Variants in FYB2 observed in about 807,000 individuals in gnomAD.
FYB2 encodes FYN binding protein 2.
A neutral mutation model predicts 94.1 loss-of-function variants in FYB2; 103 were observed. The ratio of observed to expected loss-of-function variants is 1.09; its 90% CI spans 0.93 to 1.29. The LOEUF (loss-of-function observed/expected upper bound fraction) is 1.29. FYB2 is among the 50% of genes most tolerant of loss of function. The pLI is 0.00. For missense variants in FYB2, 896 were observed against 841.5 expected (o/e 1.06, Z -0.80); for synonymous variants, 293 against 287.9 (o/e 1.02, Z -0.18).
At chr1:56,721,352 T>C (rs1348891267) in intron 17 of FYB2, among the ~76,000 whole-genome samples, 1 of 152,060 alleles carries the variant, frequency 6.6e-6, no homozygotes, top group African/African-American at 2.4e-5. Flanking sequence ...AACTATTTAT[T>C]ATTATGATTA....
chr1:56,762,533 C>T (rs1645522232), intron 5 of FYB2, among the ~76,000 whole-genome samples: 1 of 152,012 alleles, frequency 6.6e-6, no homozygotes. Flanking sequence ...TATGTTCATT[C>T]CTGATATACA....
At chr1:56,788,151 T>C (rs61765525) in intron 3 of FYB2, among the ~76,000 whole-genome samples, 34,995 of 152,166 alleles carry the variant, frequency 0.23, 5,133 homozygotes, top group Non-Finnish European at 0.33. Flanking sequence ...CTCTAGGTGA[T>C]TCTGATGTAC....
intron 6 of FYB2, among the ~76,000 whole-genome samples, chr1:56,757,689 T>TCCTTCCTTCCTTCCTTC (rs1557616891): frequency 7.0e-5 from 4 of 56,860 alleles, no homozygotes; most frequent in Admixed American, 3.9e-4. Context: ...CTTCCTTCCT[T>TCCTTCCTTCCTTCCTTC]CTTTCTTTCT....
At position 56,719,160 on chromosome 1, in the gene FYB2, T is replaced by C. The variant is rs1046854087; in HGVS notation, c.*511A>G. 4 of 152,376 alleles carry C rather than the reference T, an allele frequency of 2.6e-5. No homozygotes were observed. Among genetic ancestry groups the C allele is most frequent in the African/African-American group, 9.6e-5 (4 of 41,452 alleles). 9.4% of individuals were successfully genotyped at this position (152,376 alleles called of 1,614,324 possible). On this transcript the variant is annotated 3_prime_UTR_variant, in exon 20 of 20. Coordinates refer to ENST00000343433, the MANE Select transcript of FYB2 (RefSeq NM_001004303.5). ...TTTTTGTGATAAAGTAAAAGGACAT[T>C]TATACTTTTTTAAAGACTGAGCCAT...
chr1:56,728,502 T>G (rs778788756), intron 15 of FYB2, among the ~76,000 whole-genome samples: 6 of 152,010 alleles, frequency 3.9e-5, no homozygotes, highest in African/African-American at 9.7e-5. Flanking sequence ...CCATTACAAT[T>G]CTGAGAAAAA....
chr1:56,798,124 T>C (rs2101011072), intron 1 of FYB2, among the ~76,000 whole-genome samples: 1 of 152,318 alleles, frequency 6.6e-6, no homozygotes, highest in South Asian at 2.1e-4. Context: ...AATAGATATT[T>C]AGAAAAGTTA....
chr1:56,792,341 G>C lies in FYB2; in HGVS notation c.472C>G (p.Leu158Val). The change falls in exon 2 of 20, where the codon CTC becomes GTC. Residue 158 changes from leucine to valine, a missense_variant. Physicochemically the swap from Leu to Val is conservative, Grantham distance 32. Transcript: ENST00000343433. ...GCCTTACTTCCATAGTTGGCAAGGA[G>C]AAGGGCTGAAGACATTTCACTTTTC... ...SQKSEMSSAL[L>V]LANYGSKAIH... is the part of the protein sequence containing the mutation. The C allele has an allele frequency of 6.2e-7, 1 of 1,614,134 alleles. No individual in the cohort carries two copies. Among genetic ancestry groups the C allele is most frequent in the Non-Finnish European group, 8.5e-7 (1 of 1,180,022 alleles).
At chr1:56,728,202 T>C (rs1037927363) in intron 15 of FYB2, among the ~76,000 whole-genome samples, 1 of 152,082 alleles carries the variant, frequency 6.6e-6, no homozygotes, top group Non-Finnish European at 1.5e-5. Flanking sequence ...CTCCCCCTCT[T>C]ACCCCTCCCT....
In FYB2 at chr1:56,811,360, T is replaced by C. The variant is rs1365871613; in HGVS notation, c.9+7922A>G. Among the ~76,000 whole-genome samples the C allele has an allele frequency of 2.2e-4, 34 of 152,228 alleles. 1 individual carries two copies. Among genetic ancestry groups the C allele is most frequent in the Non-Finnish European group, 5.9e-5 (4 of 68,034 alleles). On this transcript the variant is annotated intron_variant, in intron 1 of 19. Coordinates refer to ENST00000343433, the MANE Select transcript of FYB2 (RefSeq NM_001004303.5). The stretch of plus-strand genomic sequence containing the variant: ...CCTTGAAACACACTTTAAAACTTTC[T>C]TTCCCTCCCTTCCCACCTGACACTC...
chr1:56,803,341 G>A (rs1485108403), intron 1 of FYB2, among the ~76,000 whole-genome samples: 1 of 152,208 alleles, frequency 6.6e-6, no homozygotes, highest in South Asian at 2.1e-4. Flanking sequence ...GTGGGTTTCA[G>A]AGCTTATTGG....
chr1:56,743,803 A>G (rs1645009976), intron 11 of FYB2, among the ~76,000 whole-genome samples: 1 of 152,076 alleles, frequency 6.6e-6, no homozygotes, highest in Middle Eastern at 3.2e-3. Context: ...CTTTTACCAT[A>G]AGAATGCTCT....
chr1:56,771,808 G>C (rs868351373), intron 4 of FYB2, among the ~76,000 whole-genome samples: 1 of 152,116 alleles, frequency 6.6e-6, no homozygotes, highest in African/African-American at 2.4e-5. Context: ...ATAGTTGTTA[G>C]ACAGTGAAAA....
intron 1 of FYB2, among the ~76,000 whole-genome samples, chr1:56,793,422 A>C (rs2100983328): frequency 6.6e-6 from 1 of 152,272 alleles, no homozygotes; most frequent in South Asian, 2.1e-4. Context: ...AGGGAACTTA[A>C]TTCAATATGC....
intron 17 of FYB2, among the ~76,000 whole-genome samples, chr1:56,722,445 G>T (rs933164004): frequency 1.3e-5 from 2 of 152,056 alleles, no homozygotes; most frequent in African/African-American, 2.4e-5. Flanking sequence ...GCTAGAGATT[G>T]CTCAAGTATA....
At chr1:56,755,333 C>G (rs770694326) in intron 7 of FYB2, among the ~76,000 whole-genome samples, 1 of 151,996 alleles carries the variant, frequency 6.6e-6, no homozygotes, top group Non-Finnish European at 1.5e-5. Context: ...TGCAAACAGA[C>G]CTTACAGTGG....
chr1:56,806,922 G>A (rs111404755), intron 1 of FYB2, among the ~76,000 whole-genome samples: 95 of 152,290 alleles, frequency 6.2e-4, no homozygotes, highest in African/African-American at 2.2e-3. Context: ...TTAGTTGGCA[G>A]CCTGGGGATC....
chr1:56,759,983 G>A (rs952650782), intron 5 of FYB2, among the ~76,000 whole-genome samples: 2 of 151,168 alleles, frequency 1.3e-5, no homozygotes, highest in African/African-American at 4.9e-5. Flanking sequence ...GGAGGCTGAG[G>A]CAGGAGAATT....
chr1:56,784,895 T>C (rs367847574), intron 4 of FYB2, among the ~76,000 whole-genome samples: 2 of 152,290 alleles, frequency 1.3e-5, no homozygotes, highest in Admixed American at 1.3e-4. Flanking sequence ...AGTAAACCTA[T>C]CTAATTCGTA....
At chr1:56,720,709 A>C (rs554451319) in intron 17 of FYB2, 7 of 161,016 alleles carry the variant, frequency 4.3e-5, no homozygotes, top group South Asian at 3.6e-4. Context: ...CTGTCAACCC[A>C]TCACCTAGGT....
Sources: gnomAD v4.1 joint callset for allele counts (sites outside exome capture counted in the v4.1 genomes callset) on GRCh38, gnomAD v4.1.1 for gene constraint, MANE v1.5 for transcripts, NCBI Gene and HGNC (gene_info 2026-07-23, HGNC 2026-07-21) for gene names.